AP4S1: variants seen among roughly 807,000 people sequenced by gnomAD.
The protein encoded by AP4S1 is adaptor related protein complex 4 subunit sigma 1, also known as AP-4 complex subunit sigma-1.
Under a neutral mutation model 19.8 loss-of-function variants are expected in AP4S1, and 23 were observed. The observed-to-expected ratio is 1.16, with a 90% CI of 0.84 to 1.65. AP4S1 has a LOEUF of 1.65. AP4S1 is among the 40% of genes most tolerant of loss of function. AP4S1 has a pLI of 0.00. For missense variants in AP4S1, 166 were observed against 172.8 expected (o/e 0.96, Z 0.22); for synonymous variants, 46 against 54.1 (o/e 0.85, Z 0.66).
chr14:31,034,000 G>A (rs1884571719), intron 1 of AP4S1, among the ~76,000 whole-genome samples: 1 of 152,202 alleles, frequency 6.6e-6, no homozygotes, highest in Non-Finnish European at 1.5e-5. Context: ...CCTGGACATT[G>A]GCTAAGAATG....
intron 1 of AP4S1, among the ~76,000 whole-genome samples, chr14:31,049,190 G>T (rs1208137115): frequency 6.6e-6 from 1 of 151,452 alleles, no homozygotes; most frequent in Non-Finnish European, 1.5e-5. Context: ...GAGGCGGGTG[G>T]ATCATGAGGT....
At chr14:31,071,031 G>A (rs575997001) in intron 3 of AP4S1, among the ~76,000 whole-genome samples, 6 of 151,926 alleles carry the variant, frequency 3.9e-5, no homozygotes, top group East Asian at 3.9e-4. Flanking sequence ...CAGCCTGGGC[G>A]ACAGAGTGAG....
rs11393950 is a variant in AP4S1 at position 31,035,193 on chromosome 14, C to CTTTTTTT, written c.-72+9420_-72+9426dup. Among the ~76,000 whole-genome samples, 8 of 103,658 alleles carry CTTTTTTT rather than the reference C, an allele frequency of 7.7e-5. 1 individual carries two copies. Among genetic ancestry groups the CTTTTTTT allele is most frequent in the South Asian group, 3.4e-4 (1 of 2,984 alleles). The allele number at this position is 103,658 out of a possible 152,430, so 68.0% of individuals were successfully genotyped here. A position where few individuals can be genotyped will look rare whatever the true frequency, so the allele number is the denominator to read the frequency against. On this transcript the variant is annotated intron_variant, in intron 1 of 5. Transcript: ENST00000542754. Reference sequence around the variant, plus strand: ...ACACCTACAAAATTAATGGTAATTCCTTTTTTTTTTTTTTTTTTTTGAGAT... The same window carrying CTTTTTTT: ...ACACCTACAAAATTAATGGTAATTCCTTTTTTTTTTTTTTTTTTTTTTTTTTTGAGAT...
chr14:31,085,869 T>C, intron 5 of AP4S1: 1 of 983,846 alleles, frequency 1.0e-6, no homozygotes, highest in Non-Finnish European at 1.2e-6. Context: ...GCCCTAAAGC[T>C]CTGGTGGGTT....
At chr14:31,077,138 T>C (rs1180345872) in intron 4 of AP4S1, among the ~76,000 whole-genome samples, 1 of 152,130 alleles carries the variant, frequency 6.6e-6, no homozygotes, top group Non-Finnish European at 1.5e-5. Flanking sequence ...ACTTTTTCCA[T>C]GTTGGTCAGG....
At chr14:31,033,426 C>A (rs1478935481) in intron 1 of AP4S1, among the ~76,000 whole-genome samples, 1 of 152,078 alleles carries the variant, frequency 6.6e-6, no homozygotes, top group Non-Finnish European at 1.5e-5. Flanking sequence ...TCTGGCCAGG[C>A]TGGCCTTGAA....
intron 1 of AP4S1, among the ~76,000 whole-genome samples, chr14:31,055,569 GCAGT>G (rs1886061096): frequency 6.6e-6 from 1 of 152,188 alleles, no homozygotes; most frequent in African/African-American, 2.4e-5. Context: ...GTAGAGCCAA[GCAGT>G]CAGGCTCCAG....
In AP4S1 at chr14:31,095,165, A is replaced by G. The variant is rs1384372903; in HGVS notation, c.*2130A>G. On this transcript the variant is annotated 3_prime_UTR_variant, in exon 6 of 6. Coordinates refer to ENST00000542754, the MANE Select transcript of AP4S1 (RefSeq NM_001128126.3). ...ACTATGATCACAACACTGTACTCCA[A>G]CCTGGGTAATGGAGTGAGGCCCTGC... The G allele has an allele frequency of 2.0e-5, 3 of 152,384 alleles. No homozygotes were observed. Among genetic ancestry groups the G allele is most frequent in the Non-Finnish European group, 2.9e-5 (2 of 68,050 alleles). 9.4% of individuals were successfully genotyped at this position (152,384 alleles called of 1,614,324 possible).
chr14:31,092,820 A>G, intron 5 of AP4S1, 87 bp from the exon 6 acceptor site: 1 of 1,002,190 alleles, frequency 1.0e-6, no homozygotes, highest in East Asian at 2.9e-5. Flanking sequence ...GCTAATTTAC[A>G]CTGGGAACAC....
At chr14:31,081,639 A>G (rs1349697403) in intron 5 of AP4S1, among the ~76,000 whole-genome samples, 1 of 151,600 alleles carries the variant, frequency 6.6e-6, no homozygotes, top group Non-Finnish European at 1.5e-5. Context: ...TAAATTAATT[A>G]TAACAAATGT....
At chr14:31,085,125 C>T (rs1887863535) in intron 5 of AP4S1, 2 of 1,307,388 alleles carry the variant, frequency 1.5e-6, no homozygotes, top group Middle Eastern at 3.0e-4. Context: ...AAGGCCCATT[C>T]TATGTCTGCT....
chr14:31,062,916 G>A (rs1335643117), intron 1 of AP4S1, among the ~76,000 whole-genome samples: 1 of 151,642 alleles, frequency 6.6e-6, no homozygotes, highest in African/African-American at 2.4e-5. Flanking sequence ...GCAGTGAGCC[G>A]AGATTACGCC....
Position 31,062,889 on chromosome 14 carries a change from C to T in AP4S1, c.-71-3237C>T, listed in dbSNP as rs1033439151. Among the ~76,000 whole-genome samples the T allele has an allele frequency of 2.0e-5, 3 of 152,006 alleles. No individual in the cohort carries two copies. The South Asian group carries it at 6.2e-4, about 32-fold the overall frequency. ...GGCTGAGGTAGGAGAATGGCATGAA[C>T]CCGGGAGGCGGAGCTTGCAGTGAGC... On this transcript the variant is annotated intron_variant, in intron 1 of 5. Transcript: ENST00000542754.
At chr14:31,074,636 G>A (rs751925709) in intron 4 of AP4S1, among the ~76,000 whole-genome samples, 1 of 152,080 alleles carries the variant, frequency 6.6e-6, no homozygotes, top group Non-Finnish European at 1.5e-5. Flanking sequence ...TCACGCCACT[G>A]CACTCCAGCC....
rs746321409 is a variant in AP4S1, at chr14:31,066,352, T to G, written c.138+18T>G. 2 of 1,613,854 alleles carry G rather than the reference T, an allele frequency of 1.2e-6. No homozygotes were observed. The highest frequency in any genetic ancestry group is 1.7e-6 in the Non-Finnish European group (2 of 1,179,852). ...ATGAACAAGTAAGTCTCTGGTTCTC[T>G]CTTTTATCTCTGCATTCAACTCAGC... On this transcript the variant is annotated intron_variant, in intron 2 of 5. Coordinates refer to ENST00000542754, the MANE Select transcript of AP4S1 (RefSeq NM_001128126.3).
chr14:31,058,503 C>T (rs1392276516), intron 1 of AP4S1, among the ~76,000 whole-genome samples: 1 of 150,332 alleles, frequency 6.7e-6, no homozygotes, highest in African/African-American at 2.5e-5. Flanking sequence ...GTCATCAAAA[C>T]ATCTTCCCCA....
intron 1 of AP4S1, among the ~76,000 whole-genome samples, chr14:31,027,504 A>T (rs1884088048): frequency 6.6e-6 from 1 of 152,124 alleles, no homozygotes; most frequent in African/African-American, 2.4e-5. Flanking sequence ...TCTACTAAAA[A>T]TACAAAAATT....
Position 31,039,525 on chromosome 14 carries a change from A to G in AP4S1, c.-72+13738A>G, listed in dbSNP as rs943578170. ...AAAACACTTAATTTTAACTCAAGAA[A>G]CACTGTATTTAATTAGGAAGGTCTT... On this transcript the variant is annotated intron_variant, in intron 1 of 5. Coordinates refer to ENST00000542754, the MANE Select transcript of AP4S1 (RefSeq NM_001128126.3). Among the ~76,000 whole-genome samples the G allele has an allele frequency of 2.7e-5, 4 of 150,386 alleles. No individual in the cohort carries two copies. The Middle Eastern group carries it at 0.011, about 430-fold the overall frequency.
chr14:31,058,576 T>TGTGTGTGTGTGTGTGTGTG (rs1594668615), intron 1 of AP4S1, among the ~76,000 whole-genome samples: 1 of 148,302 alleles, frequency 6.7e-6, no homozygotes, highest in African/African-American at 2.5e-5. Flanking sequence ...TGTGTGTGTG[T>TGTGTGTGTGTGTGTGTGTG]TTAGAGATAG....
Sources: gnomAD v4.1 joint callset for allele counts (sites outside exome capture counted in the v4.1 genomes callset) on GRCh38, gnomAD v4.1.1 for gene constraint, MANE v1.5 for transcripts, NCBI Gene and HGNC (gene_info 2026-07-23, HGNC 2026-07-21) for gene names.